TACR1: variants seen among roughly 807,000 people sequenced by gnomAD.
TACR1 encodes substance-P receptor.
TACR1 carries 25 observed loss-of-function variants against 35.8 expected under a neutral mutation model. The ratio of observed to expected loss-of-function variants is 0.70; its 90% CI spans 0.51 to 0.98. The LOEUF (loss-of-function observed/expected upper bound fraction) is 0.98, where lower values mean the gene tolerates loss of function less well. Among genes scored for constraint, TACR1 ranks in the 50% least tolerant of loss-of-function variants. TACR1 has a pLI of 0.00. For missense variants in TACR1, 478 were observed against 522.9 expected (o/e 0.91, Z 0.84); for synonymous variants, 195 against 206.7 (o/e 0.94, Z 0.48).
intron 2 of TACR1, among the ~76,000 whole-genome samples, chr2:75,061,639 A>G (rs941735506): frequency 3.3e-5 from 5 of 152,156 alleles, no homozygotes; most frequent in Admixed American, 2.0e-4. Flanking sequence ...GCATCCAGAC[A>G]TAGGCTCTGG....
chr2:75,121,029 C>T (rs781521223), intron 1 of TACR1, among the ~76,000 whole-genome samples: 15 of 152,164 alleles, frequency 9.9e-5, no homozygotes, highest in Admixed American at 5.2e-4. Flanking sequence ...GAGACATTTT[C>T]ATCATTGAAA....
intron 2 of TACR1, among the ~76,000 whole-genome samples, chr2:75,088,849 C>A (rs1420025997): frequency 6.6e-6 from 1 of 152,044 alleles, no homozygotes; most frequent in African/African-American, 2.4e-5. Context: ...CTGCAATTTC[C>A]TTCTCTCTAA....
intron 2 of TACR1, among the ~76,000 whole-genome samples, chr2:75,072,046 A>G (rs752622872): frequency 6.6e-6 from 1 of 152,206 alleles, no homozygotes; most frequent in Non-Finnish European, 1.5e-5. Context: ...GGACTGGAGG[A>G]GTGGCAGCCA....
At chr2:75,079,736 CTT>C (rs11367021) in intron 2 of TACR1, among the ~76,000 whole-genome samples, 105 of 114,172 alleles carry the variant, frequency 9.2e-4, no homozygotes, top group Middle Eastern at 5.1e-3. Context: ...AACCTAATGC[CTT>C]TTTTTTTTTT....
At position 75,153,010 on chromosome 2, in the gene TACR1, C is replaced by T. The variant is rs574409736; in HGVS notation, c.390-32242G>A. 1.8e-3 allele frequency among the ~76,000 whole-genome samples: 281 copies of T among 152,326 alleles called. 3 individuals are homozygous for T. The highest frequency in any genetic ancestry group is 6.4e-3 in the African/African-American group (268 of 41,570). Reference sequence around the variant, plus strand: ...CTCTGCCTCCTGGGTTCCAGTGATTCTCCTGTTTCAGTTTCCCGAGTAGTG... The same window carrying T: ...CTCTGCCTCCTGGGTTCCAGTGATTTTCCTGTTTCAGTTTCCCGAGTAGTG... On this transcript the variant is annotated intron_variant, in intron 1 of 4. Coordinates refer to ENST00000305249, the MANE Select transcript of TACR1 (RefSeq NM_001058.4).
At chr2:75,107,332 A>G (rs903804242) in intron 2 of TACR1, among the ~76,000 whole-genome samples, 5 of 152,026 alleles carry the variant, frequency 3.3e-5, no homozygotes, top group African/African-American at 7.2e-5. Flanking sequence ...TCAAAAATCC[A>G]TAACAGCAAC....
intron 1 of TACR1, among the ~76,000 whole-genome samples, chr2:75,197,522 G>A (rs758119453): frequency 7.9e-5 from 12 of 152,132 alleles, no homozygotes; most frequent in Admixed American, 2.0e-4. Context: ...TAACACCTGT[G>A]CACACATAGA....
intron 1 of TACR1, among the ~76,000 whole-genome samples, chr2:75,174,656 T>G (rs1675370557): frequency 6.6e-6 from 1 of 152,220 alleles, no homozygotes. Flanking sequence ...AGCAAATGGT[T>G]GCTGACAGAG....
chr2:75,191,319 C>T (rs1019018952), intron 1 of TACR1, among the ~76,000 whole-genome samples: 1 of 152,026 alleles, frequency 6.6e-6, no homozygotes, highest in East Asian at 1.9e-4. Context: ...TTCACCTCAG[C>T]AAGGACAAGT....
At chr2:75,097,302 A>G (rs1187463891) in intron 2 of TACR1, among the ~76,000 whole-genome samples, 1 of 152,070 alleles carries the variant, frequency 6.6e-6, no homozygotes, top group Non-Finnish European at 1.5e-5. Context: ...CAATGAAGGA[A>G]CTAGGTGAAA....
chr2:75,185,236 G>T (rs1277352499), intron 1 of TACR1, among the ~76,000 whole-genome samples: 1 of 151,858 alleles, frequency 6.6e-6, no homozygotes, highest in Non-Finnish European at 1.5e-5. Context: ...TTAAATTATT[G>T]GAGTGGAATA....
chr2:75,176,273 T>C (rs767480395), intron 1 of TACR1, among the ~76,000 whole-genome samples: 1 of 152,022 alleles, frequency 6.6e-6, no homozygotes, highest in Non-Finnish European at 1.5e-5. Flanking sequence ...CATATATAGG[T>C]AGATTGTAAT....
At chr2:75,140,504 A>G (rs758534758) in intron 1 of TACR1, among the ~76,000 whole-genome samples, 29 of 152,098 alleles carry the variant, frequency 1.9e-4, no homozygotes, top group Non-Finnish European at 3.5e-4. Context: ...GTCTGTTTCA[A>G]GAGGTGCTGT....
chr2:75,121,337 A>G (rs964296111), intron 1 of TACR1, among the ~76,000 whole-genome samples: 7 of 152,222 alleles, frequency 4.6e-5, no homozygotes, highest in Non-Finnish European at 1.0e-4. Flanking sequence ...TTGAGCATCT[A>G]GGAGTCAGTG....
At chr2:75,116,267 G>T (rs1033288846) in intron 2 of TACR1, among the ~76,000 whole-genome samples, 19 of 152,026 alleles carry the variant, frequency 1.2e-4, no homozygotes, top group African/African-American at 4.3e-4. Context: ...CCACCACGCA[G>T]AGCTAATTTA....
rs1672406112 is a variant in TACR1, at chr2:75,048,710, A to G, written c.*722T>C. The G allele has an allele frequency of 6.6e-6, 1 of 152,128 alleles. No homozygotes were observed. The allele number at this position is 152,128 out of a possible 1,614,324, so 9.4% of individuals were successfully genotyped here. A position where few individuals can be genotyped will look rare whatever the true frequency, so the allele number is the denominator to read the frequency against. On this transcript the variant is annotated 3_prime_UTR_variant, in exon 5 of 5. Coordinates refer to ENST00000305249, the MANE Select transcript of TACR1 (RefSeq NM_001058.4). ...CAAGTAGGAAAAGAGGGTCAACTAC[A>G]CATTAAATGTAGTGCAAGTCTCCCA...
chr2:75,074,860 G>T (rs183242017), intron 2 of TACR1, among the ~76,000 whole-genome samples: 1 of 152,292 alleles, frequency 6.6e-6, no homozygotes, highest in Non-Finnish European at 1.5e-5. Context: ...TGTAGCGTGG[G>T]TTGGTAACCA....
Position 75,049,640 on chromosome 2 carries a change from G to C in TACR1, c.1016C>G (p.Thr339Ser). Residue 339 changes from threonine to serine, a missense_variant, in exon 5 of 5, where the codon ACC becomes AGC. Coordinates refer to ENST00000305249, the MANE Select transcript of TACR1 (RefSeq NM_001058.4). The part of the protein sequence containing the change: ...GDYEGLEMKS[T>S]RYLQTQGSVY... Reference sequence around the variant, plus strand: ...ACTGCCCTGGGTCTGGAGATACCGGGTGGATTTCATTTCCAGCCCCTCATA... The same window carrying C: ...ACTGCCCTGGGTCTGGAGATACCGGCTGGATTTCATTTCCAGCCCCTCATA... The C allele has an allele frequency of 6.2e-7, 1 of 1,614,180 alleles. No homozygotes were observed. Among genetic ancestry groups the C allele is most frequent in the Non-Finnish European group, 8.5e-7 (1 of 1,180,044 alleles).
At chr2:75,139,411 T>A (rs925995895) in intron 1 of TACR1, among the ~76,000 whole-genome samples, 3 of 152,214 alleles carry the variant, frequency 2.0e-5, no homozygotes, top group African/African-American at 7.2e-5. Context: ...GACTTTAGCA[T>A]CTGCAATTTT....
Sources: gnomAD v4.1 joint callset for allele counts (sites outside exome capture counted in the v4.1 genomes callset) on GRCh38, gnomAD v4.1.1 for gene constraint, MANE v1.5 for transcripts, NCBI Gene and HGNC (gene_info 2026-07-23, HGNC 2026-07-21) for gene names.